The following NCOA1 variants were observed in gnomAD, a reference collection of about 807,000 sequenced individuals.
The protein encoded by NCOA1 is Hin-2 protein.
Under a neutral mutation model 150.9 loss-of-function variants are expected in NCOA1, and 35 were observed. The ratio of observed to expected loss-of-function variants is 0.23; its 90% CI spans 0.18 to 0.31. NCOA1 has a LOEUF of 0.31. Among genes scored for constraint, NCOA1 ranks in the 10% least tolerant of loss-of-function variants. The pLI, the probability that NCOA1 is intolerant of heterozygous loss-of-function variation, is 1.00. For missense variants in NCOA1, 1,491 were observed against 1,749.3 expected, an observed-to-expected ratio of 0.85 and a Z score of 2.63; for synonymous variants, 590 against 630.0, an observed-to-expected ratio of 0.94 and a Z score of 0.95.
chr2:24,596,926 C>G (rs1667908665), intron 3 of NCOA1, among the ~76,000 whole-genome samples: 1 of 152,146 alleles, frequency 6.6e-6, no homozygotes, highest in South Asian at 2.1e-4. Context: ...GAACAAGATT[C>G]TTCAATATTC....
intron 1 of NCOA1, among the ~76,000 whole-genome samples, chr2:24,516,791 A>C (rs1572371753): frequency 7.2e-6 from 1 of 139,096 alleles, no homozygotes; most frequent in Non-Finnish European, 1.5e-5. Context: ...TCTGGCCTTC[A>C]TTCCAATGTA....
intron 17 of NCOA1, among the ~76,000 whole-genome samples, chr2:24,731,633 G>A (rs1434506913): frequency 1.3e-5 from 2 of 152,016 alleles, no homozygotes; most frequent in Non-Finnish European, 2.9e-5. Flanking sequence ...TTAAATGCTA[G>A]GGTAGAATAA....
intron 22 of NCOA1, 69 bp from the exon 23 acceptor site, chr2:24,768,152 A>AGT: frequency 6.2e-7 from 1 of 1,613,920 alleles, no homozygotes; most frequent in Non-Finnish European, 8.5e-7. Flanking sequence ...TTCCACTTCA[A>AGT]GTAGTACCCA....
At chr2:24,642,323 A>G (rs1670269045) in intron 3 of NCOA1, among the ~76,000 whole-genome samples, 1 of 147,606 alleles carries the variant, frequency 6.8e-6, no homozygotes, top group Non-Finnish European at 1.5e-5. Context: ...ATATAAATAT[A>G]TATATATATA....
intron 10 of NCOA1, among the ~76,000 whole-genome samples, chr2:24,695,382 C>T (rs1042062107): frequency 2.0e-5 from 3 of 152,042 alleles, no homozygotes; most frequent in Non-Finnish European, 2.9e-5. Context: ...AGCCCTTTGC[C>T]GAGAATGGAC....
At chr2:24,585,181 A>G (rs1380081134) in intron 3 of NCOA1, among the ~76,000 whole-genome samples, 7 of 152,188 alleles carry the variant, frequency 4.6e-5, no homozygotes, top group Non-Finnish European at 1.0e-4. Context: ...CTAAATTGGC[A>G]TGTAGATAAT....
chr2:24,569,864 C>G (rs1211183283), intron 2 of NCOA1, among the ~76,000 whole-genome samples: 5 of 144,518 alleles, frequency 3.5e-5, no homozygotes, highest in African/African-American at 1.3e-4. Flanking sequence ...AGTGATACTC[C>G]GTCTGAAAAA....
intron 15 of NCOA1, 22 bp from the exon 16 acceptor site, chr2:24,728,284 CTT>C: frequency 1.3e-6 from 2 of 1,580,316 alleles, no homozygotes; most frequent in Non-Finnish European, 1.7e-6. Flanking sequence ...CAGTCTGAAA[CTT>C]TCTTGTTTTT....
chr2:24,547,988 C>CAAAAAAAAA (rs34669959), intron 1 of NCOA1, among the ~76,000 whole-genome samples: 3,215 of 74,808 alleles, frequency 0.043, 170 homozygotes, highest in Non-Finnish European at 0.06. Context: ...GACTCTGTCT[C>CAAAAAAAAA]AAAAAAAAAA....
chr2:24,541,117 G>A (rs142229825), intron 1 of NCOA1, among the ~76,000 whole-genome samples: 2 of 152,308 alleles, frequency 1.3e-5, no homozygotes, highest in African/African-American at 4.8e-5. Flanking sequence ...TCAAATGTCT[G>A]GGGTTGAGGA....
At chr2:24,582,818 A>G (rs1238381742) in intron 2 of NCOA1, among the ~76,000 whole-genome samples, 1 of 152,190 alleles carries the variant, frequency 6.6e-6, no homozygotes, top group Non-Finnish European at 1.5e-5. Context: ...TAGCCAACTG[A>G]TTTTTAACAG....
intron 1 of NCOA1, among the ~76,000 whole-genome samples, chr2:24,514,821 A>G (rs899017017): frequency 2.0e-5 from 3 of 152,348 alleles, no homozygotes; most frequent in South Asian, 2.1e-4. Context: ...ATAAATTTAT[A>G]TGGCTTAAGA....
At chr2:24,589,630 G>GGGGT (rs1553433027) in intron 3 of NCOA1, among the ~76,000 whole-genome samples, 50 of 147,550 alleles carry the variant, frequency 3.4e-4, no homozygotes, top group African/African-American at 1.0e-3. Context: ...AGAGGTTGGT[G>GGGGT]GTGTGTGTGT....
At chr2:24,555,243 G>A (rs1392314960) in intron 1 of NCOA1, among the ~76,000 whole-genome samples, 2 of 151,982 alleles carry the variant, frequency 1.3e-5, no homozygotes, top group Non-Finnish European at 2.9e-5. Flanking sequence ...GAAACATGTT[G>A]TTTAATTTCC....
intron 3 of NCOA1, among the ~76,000 whole-genome samples, chr2:24,616,415 T>C (rs1013904860): frequency 6.6e-6 from 1 of 152,128 alleles, no homozygotes; most frequent in Admixed American, 6.6e-5. Context: ...ATATTAAAAA[T>C]GCAAGAGAAA....
At chr2:24,762,538 G>T in intron 21 of NCOA1, 149 bp from the exon 22 acceptor site, 1 of 679,122 alleles carries the variant, frequency 1.5e-6, no homozygotes, top group East Asian at 2.8e-5. Context: ...TGACTATCCT[G>T]ACTTGTAACA....
At chr2:24,631,639 C>T (rs1405927053) in intron 3 of NCOA1, among the ~76,000 whole-genome samples, 1 of 152,058 alleles carries the variant, frequency 6.6e-6, no homozygotes, top group African/African-American at 2.4e-5. Context: ...AACATTAAGC[C>T]ACAATTTCTT....
intron 4 of NCOA1, among the ~76,000 whole-genome samples, chr2:24,656,118 A>G (rs943161239): frequency 1.3e-5 from 2 of 151,798 alleles, no homozygotes; most frequent in Non-Finnish European, 2.9e-5. Context: ...AGGAAGAAGT[A>G]AAAACTGACA....
chr2:24,535,855 C>T lies in NCOA1; in HGVS notation c.-395-28440C>T, dbSNP rs556835403. On this transcript the variant is annotated intron_variant, in intron 1 of 22. Coordinates refer to ENST00000348332, the MANE Select transcript of NCOA1 (RefSeq NM_003743.5). Reference sequence around the variant, plus strand: ...GATGGGCTTCCCTTTGTGGGTAGCCCGACCTTTCTCTTTGACTGCCCTTAA... The same window carrying T: ...GATGGGCTTCCCTTTGTGGGTAGCCTGACCTTTCTCTTTGACTGCCCTTAA... Among the ~76,000 whole-genome samples, 367 of 152,234 alleles carry T rather than the reference C, an allele frequency of 2.4e-3. 1 individual carries two copies. Among genetic ancestry groups the T allele is most frequent in the African/African-American group, 8.3e-3 (345 of 41,542 alleles).
Sources: allele counts gnomAD v4.1 joint callset (sites outside exome capture counted in the v4.1 genomes callset), GRCh38; gene constraint gnomAD v4.1.1; transcripts MANE v1.5; gene names NCBI Gene and HGNC (gene_info 2026-07-23, HGNC 2026-07-21).